ATAD2B: variants seen among roughly 807,000 people sequenced by gnomAD.
ATAD2B encodes the protein ATPase family AAA domain containing 2B, also known as ATPase family AAA domain-containing protein 2B.
Under a neutral mutation model 167.6 loss-of-function variants are expected in ATAD2B, and 40 were observed. That is an observed-to-expected ratio of 0.24 (90% CI 0.19 to 0.31). The LOEUF (loss-of-function observed/expected upper bound fraction) is 0.31, where lower values mean the gene tolerates loss of function less well. ATAD2B is among the 10% of genes least tolerant of loss of function. The pLI is 1.00. For missense variants in ATAD2B, 1,242 were observed against 1,757.2 expected (o/e 0.71, Z 5.24); for synonymous variants, 579 against 596.5 (o/e 0.97, Z 0.43).
chr2:23,768,984 T>G (rs1048673061), intron 22 of ATAD2B, among the ~76,000 whole-genome samples: 1 of 152,172 alleles, frequency 6.6e-6, no homozygotes, highest in African/African-American at 2.4e-5. Flanking sequence ...TGAACAAACC[T>G]TTGTATGGAA....
chr2:23,738,214 C>T, the ATAD2B span, among the ~76,000 whole-genome samples: 10 of 152,148 alleles, frequency 6.6e-5, no homozygotes, highest in South Asian at 2.1e-4. Flanking sequence ...CAAAGATAGT[C>T]CTTGAGAAGA....
At chr2:23,714,723 T>C in the ATAD2B span, among the ~76,000 whole-genome samples, 1 of 151,652 alleles carries the variant, frequency 6.6e-6, no homozygotes, top group African/African-American at 2.4e-5. Context: ...GGCATAGTGG[T>C]ACATGCTTGT....
the ATAD2B span, among the ~76,000 whole-genome samples, chr2:23,724,693 C>T: frequency 6.6e-6 from 1 of 151,982 alleles, no homozygotes; most frequent in South Asian, 2.1e-4. Context: ...GAAATCTATG[C>T]CTAGATACAT....
intron 15 of ATAD2B, among the ~76,000 whole-genome samples, chr2:23,826,360 G>A (rs1045029871): frequency 5.3e-5 from 8 of 152,078 alleles, no homozygotes; most frequent in Non-Finnish European, 8.8e-5. Flanking sequence ...CTCTCAAAGC[G>A]TCCTTGTTTA....
At chr2:23,763,110 T>G (rs1440607417) in intron 23 of ATAD2B, among the ~76,000 whole-genome samples, 2 of 152,186 alleles carry the variant, frequency 1.3e-5, no homozygotes, top group Admixed American at 1.3e-4. Context: ...ATAACTGGTT[T>G]ATCTTTCCCT....
chr2:23,712,981 C>T, the ATAD2B span, among the ~76,000 whole-genome samples: 1 of 152,346 alleles, frequency 6.6e-6, no homozygotes, highest in East Asian at 1.9e-4. Flanking sequence ...TGTGCAGCAC[C>T]AGCCAGATTA....
chr2:23,909,865 T>G (rs1485858379), intron 1 of ATAD2B, among the ~76,000 whole-genome samples: 10 of 151,788 alleles, frequency 6.6e-5, no homozygotes, highest in African/African-American at 2.4e-4. Flanking sequence ...TTTTGTTTGT[T>G]TTTGTTTTTT....
the ATAD2B span, chr2:23,691,884 C>T: frequency 2.3e-5 from 36 of 1,547,436 alleles, no homozygotes; most frequent in Middle Eastern, 1.7e-4. Context: ...TCGGTGAGCC[C>T]GGGGGCCACA....
chr2:23,822,454 A>G (rs1012064448), intron 16 of ATAD2B, among the ~76,000 whole-genome samples: 18 of 152,208 alleles, frequency 1.2e-4, no homozygotes, highest in Non-Finnish European at 2.4e-4. Flanking sequence ...CTGAGGCAGG[A>G]GAACTGCTTG....
the ATAD2B span, chr2:23,684,585 C>A: frequency 6.8e-7 from 1 of 1,477,884 alleles, no homozygotes; most frequent in Non-Finnish European, 9.0e-7. The surrounding 1 kb of genome is among the most constrained non-coding windows in gnomAD (Gnocchi z 4.4). Flanking sequence ...TTGTAGGACG[C>A]TTTTGTGTCG....
the ATAD2B span, among the ~76,000 whole-genome samples, chr2:23,710,269 TAAAC>T: frequency 2.0e-3 from 305 of 152,300 alleles, 8 homozygotes; most frequent in East Asian, 0.052. Context: ...GAATAGGTCT[TAAAC>T]AGACCTAACA....
chr2:23,860,300 C>T (rs1379802733), intron 12 of ATAD2B, among the ~76,000 whole-genome samples: 1 of 152,176 alleles, frequency 6.6e-6, no homozygotes, highest in Non-Finnish European at 1.5e-5. Flanking sequence ...CGGCACAAAA[C>T]AAAAATATGT....
chr2:23,915,586 C>CTTTTTTTTTTT (rs869032768), intron 1 of ATAD2B, among the ~76,000 whole-genome samples: 1 of 65,238 alleles, frequency 1.5e-5, no homozygotes, highest in Non-Finnish European at 2.7e-5. Context: ...ACTACCGATT[C>CTTTTTTTTTTT]TTTTTTTTTT....
chr2:23,844,051 G>A (rs1243510464), intron 13 of ATAD2B, among the ~76,000 whole-genome samples: 2 of 152,110 alleles, frequency 1.3e-5, no homozygotes, highest in Admixed American at 1.3e-4. Flanking sequence ...TGATTCTCTT[G>A]CTTCAGCCTC....
chr2:23,853,685 A>T (rs1692914622), intron 13 of ATAD2B, among the ~76,000 whole-genome samples: 1 of 152,240 alleles, frequency 6.6e-6, no homozygotes, highest in Non-Finnish European at 1.5e-5. Context: ...GTCTTTTCTA[A>T]AGAAACTGAC....
At chr2:23,679,710 T>G in the ATAD2B span, among the ~76,000 whole-genome samples, 1 of 152,042 alleles carries the variant, frequency 6.6e-6, no homozygotes, top group East Asian at 1.9e-4. Context: ...AAATAAATAA[T>G]TACAACTCCT....
intron 18 of ATAD2B, among the ~76,000 whole-genome samples, chr2:23,803,306 A>ATG (rs1399578428): frequency 4.4e-4 from 64 of 146,760 alleles, no homozygotes; most frequent in Admixed American, 5.4e-4. Flanking sequence ...TCAGTAACAT[A>ATG]TGTGTGTACA....
In ATAD2B at chr2:23,854,209, C is replaced by T. The variant is rs140855079; in HGVS notation, c.1568+3206G>A. On this transcript the variant is annotated intron_variant, in intron 13 of 27. Coordinates refer to ENST00000238789, the MANE Select transcript of ATAD2B (RefSeq NM_017552.4). ...ACAGTGAGCTGAGATCGCGCGACTG[C>T]ACTCCAGCCTGGGCAACAGAGTGAC... is the stretch of plus-strand genomic sequence containing the variant. 3.9e-3 allele frequency among the ~76,000 whole-genome samples: 586 copies of T among 152,000 alleles called. 3 individuals are homozygous for T. Among genetic ancestry groups the T allele is most frequent in the African/African-American group, 0.014 (565 of 41,432 alleles).
intron 22 of ATAD2B, among the ~76,000 whole-genome samples, chr2:23,779,462 A>C (rs1230343480): frequency 6.6e-6 from 1 of 152,130 alleles, no homozygotes; most frequent in Non-Finnish European, 1.5e-5. Flanking sequence ...GGCATGAACC[A>C]CTGCACCCAG....
Sources: gnomAD v4.1 joint callset for allele counts (sites outside exome capture counted in the v4.1 genomes callset) on GRCh38, gnomAD v4.1.1 for gene constraint, Gnocchi (gnomAD v3.1) non-coding constraint, MANE v1.5 for transcripts, NCBI Gene and HGNC (gene_info 2026-07-23, HGNC 2026-07-21) for gene names.